Variants in CACNA2D1 observed in about 807,000 individuals in gnomAD.
CACNA2D1 encodes calcium voltage-gated channel auxiliary subunit alpha2delta 1.
CACNA2D1 carries 53 observed loss-of-function variants against 171.5 expected under a neutral mutation model. That is an observed-to-expected ratio of 0.31 (90% CI 0.25 to 0.39). The LOEUF is 0.39. CACNA2D1 is among the 10% of genes least tolerant of loss of function. The pLI, the probability that CACNA2D1 is intolerant of heterozygous loss-of-function variation, is 1.00. For synonymous variants in CACNA2D1, 442 were observed against 443.1 expected (o/e 1.00, Z 0.03); for missense variants, 903 against 1,299.8 (o/e 0.69, Z 4.69).
intron 3 of CACNA2D1, among the ~76,000 whole-genome samples, chr7:82,295,707 G>C (rs1232884660): frequency 1.3e-5 from 2 of 151,660 alleles, no homozygotes; most frequent in African/African-American, 4.8e-5. Context: ...ATAACACAGG[G>C]CCAGTTTGTG....
At chr7:82,249,404 G>C (rs1805361477) in intron 3 of CACNA2D1, among the ~76,000 whole-genome samples, 2 of 152,170 alleles carry the variant, frequency 1.3e-5, no homozygotes, top group African/African-American at 4.8e-5. Context: ...TTCTTTGCAG[G>C]ATCATTTGGC....
At chr7:82,181,438 C>A (rs1327862841) in intron 3 of CACNA2D1, among the ~76,000 whole-genome samples, 2 of 152,204 alleles carry the variant, frequency 1.3e-5, no homozygotes, top group East Asian at 3.9e-4. Context: ...CCCGCTGGGG[C>A]AGCATCACCT....
chr7:82,100,445 T>C (rs150538600), intron 6 of CACNA2D1, among the ~76,000 whole-genome samples: 4,003 of 152,274 alleles, frequency 0.026, 59 homozygotes, highest in Middle Eastern at 0.048. Context: ...AGCATAAAGA[T>C]GTGTTCATTA....
intron 6 of CACNA2D1, among the ~76,000 whole-genome samples, chr7:82,111,674 C>G (rs1476406930): frequency 6.6e-6 from 1 of 151,610 alleles, no homozygotes; most frequent in Non-Finnish European, 1.5e-5. Flanking sequence ...GTCCCTAACT[C>G]CTGGGCTCAA....
chr7:82,119,954 G>A (rs538595737), intron 5 of CACNA2D1, among the ~76,000 whole-genome samples: 3 of 152,288 alleles, frequency 2.0e-5, no homozygotes, highest in African/African-American at 7.2e-5. Context: ...GGCCCAGGCT[G>A]GACAATCACT....
intron 3 of CACNA2D1, among the ~76,000 whole-genome samples, chr7:82,334,693 G>A (rs1187835117): frequency 6.6e-6 from 1 of 150,554 alleles, no homozygotes; most frequent in African/African-American, 2.5e-5. Flanking sequence ...AAAAAAAATG[G>A]TAACTTGAAT....
chr7:82,238,458 C>T lies in CACNA2D1; in HGVS notation c.295-67849G>A, dbSNP rs750624405. On this transcript the variant is annotated intron_variant, in intron 3 of 38. Coordinates refer to ENST00000356860, the MANE Select transcript of CACNA2D1 (RefSeq NM_000722.4). Reference sequence around the variant, plus strand: ...CACTTTCCAAAAGAAGACATATATACGGCCAACAATCATATGAAAAAAAGT... The same window carrying T: ...CACTTTCCAAAAGAAGACATATATATGGCCAACAATCATATGAAAAAAAGT... Among the ~76,000 whole-genome samples the T allele has an allele frequency of 1.4e-4, 22 of 151,868 alleles. 1 individual carries two copies. Among genetic ancestry groups the T allele is most frequent in the Non-Finnish European group, 2.7e-4 (18 of 67,850 alleles).
At chr7:82,078,618 G>C (rs1396781960) in intron 7 of CACNA2D1, among the ~76,000 whole-genome samples, 1 of 152,180 alleles carries the variant, frequency 6.6e-6, no homozygotes, top group Non-Finnish European at 1.5e-5. Context: ...TCATGAGCTA[G>C]CTGTATGACT....
intron 3 of CACNA2D1, among the ~76,000 whole-genome samples, chr7:82,330,460 A>C (rs937722463): frequency 6.6e-6 from 1 of 152,258 alleles, no homozygotes; most frequent in East Asian, 1.9e-4. Context: ...AAAGACTGTT[A>C]AGTAATTTCT....
rs10264138 is a variant in CACNA2D1 at position 82,020,171 on chromosome 7, G to A, written c.1144-5692C>T. On this transcript the variant is annotated intron_variant, in intron 12 of 38. Coordinates refer to ENST00000356860, the MANE Select transcript of CACNA2D1 (RefSeq NM_000722.4). ...CCACCTTAGCCTATGAAAGCTGTAA[G>A]GAGCAGATCCCTGTGGGGAAGTCTT... Among the ~76,000 whole-genome samples, 874 of 152,328 alleles carry A rather than the reference G, an allele frequency of 5.7e-3. 12 individuals are homozygous for A. Among genetic ancestry groups the A allele is most frequent in the African/African-American group, 0.02 (842 of 41,584 alleles).
rs1441210621 is a variant in CACNA2D1 at position 81,968,750 on chromosome 7, AT to A, written c.2395+136del. 3 of 614,764 alleles carry A rather than the reference AT, an allele frequency of 4.9e-6. No individual in the cohort carries two copies. The African/African-American group carries it at 5.6e-5, about 12-fold the overall frequency. The allele number at this position is 614,764 out of a possible 1,614,324, so 38.1% of individuals were successfully genotyped here. A position where few individuals can be genotyped will look rare whatever the true frequency, so the allele number is the denominator to read the frequency against. On this transcript the variant is annotated intron_variant, in intron 29 of 38. Coordinates refer to ENST00000356860, the MANE Select transcript of CACNA2D1 (RefSeq NM_000722.4). ...GAGGTAACTAGTCATATTTTATTTA[AT>A]TTTTTTAAGTGTGCATGCCTTTATT... is the stretch of plus-strand genomic sequence containing the variant.
At chr7:82,248,677 C>T (rs3801706) in intron 3 of CACNA2D1, among the ~76,000 whole-genome samples, 37,732 of 152,006 alleles carry the variant, frequency 0.25, 5,160 homozygotes, top group Non-Finnish European at 0.32. Flanking sequence ...GCAGCTGCAT[C>T]TCAAATTATA....
At chr7:82,032,659 T>C (rs1802847503) in intron 12 of CACNA2D1, 138 bp downstream of exon 12, 1 of 575,608 alleles carries the variant, frequency 1.7e-6, no homozygotes, top group African/African-American at 1.9e-5. Context: ...TAGTTTATAA[T>C]CTATGATTCA....
chr7:82,330,015 A>C (rs1817113898), intron 3 of CACNA2D1, among the ~76,000 whole-genome samples: 1 of 152,116 alleles, frequency 6.6e-6, no homozygotes, highest in African/African-American at 2.4e-5. Flanking sequence ...AGGGCCTAAT[A>C]CATAAGAGTC....
At position 82,024,792 on chromosome 7, in the gene CACNA2D1, T is replaced by C. The variant is rs76346369; in HGVS notation, c.1143+8005A>G. 7.6e-3 allele frequency among the ~76,000 whole-genome samples: 1,147 copies of C among 151,784 alleles called. 7 individuals are homozygous for C. Among genetic ancestry groups the C allele is most frequent in the Non-Finnish European group, 0.011 (722 of 67,684 alleles). On this transcript the variant is annotated intron_variant, in intron 12 of 38. Coordinates refer to ENST00000356860, the MANE Select transcript of CACNA2D1 (RefSeq NM_000722.4). ...AACATTTTAGGTCTTAAATTTTAGA[T>C]TTTAATCCATTTTGAGTTGTTCTTT... is the stretch of plus-strand genomic sequence containing the variant.
intron 5 of CACNA2D1, among the ~76,000 whole-genome samples, chr7:82,128,788 A>T (rs1790631883): frequency 6.6e-6 from 1 of 151,956 alleles, no homozygotes; most frequent in Non-Finnish European, 1.5e-5. Context: ...GGCTGCTACT[A>T]CTTCATCTCT....
chr7:82,085,310 G>A (rs1241575927), intron 6 of CACNA2D1, among the ~76,000 whole-genome samples: 4 of 152,056 alleles, frequency 2.6e-5, no homozygotes, highest in Admixed American at 1.3e-4. Flanking sequence ...AATGTCTCCA[G>A]ACTGTCAGAT....
chr7:82,351,352 A>C (rs1819826074), intron 1 of CACNA2D1, among the ~76,000 whole-genome samples: 1 of 151,874 alleles, frequency 6.6e-6, no homozygotes, highest in Non-Finnish European at 1.5e-5. Context: ...GAAGAGATTT[A>C]AATGACATGT....
At chr7:82,149,990 G>T (rs1478533929) in intron 4 of CACNA2D1, among the ~76,000 whole-genome samples, 1 of 151,804 alleles carries the variant, frequency 6.6e-6, no homozygotes, top group Non-Finnish European at 1.5e-5. Context: ...GTGTGTGTGT[G>T]TGCATGTGTG....
Sources: gnomAD v4.1 joint callset for allele counts (sites outside exome capture counted in the v4.1 genomes callset) on GRCh38, gnomAD v4.1.1 for gene constraint, MANE v1.5 for transcripts, NCBI Gene and HGNC (gene_info 2026-07-23, HGNC 2026-07-21) for gene names.